Variants in FRMPD4 observed in about 807,000 individuals in gnomAD.
The protein encoded by FRMPD4 is FERM and PDZ domain-containing protein 4.
Under a neutral mutation model 94.1 loss-of-function variants are expected in FRMPD4, and 22 were observed. The observed-to-expected ratio is 0.23, with a 90% confidence interval of 0.17 to 0.33. The LOEUF is 0.33. Ranked by LOEUF, FRMPD4 falls within the 10% of genes least tolerant of loss-of-function variation. The pLI, the probability that FRMPD4 is intolerant of heterozygous loss-of-function variation, is 1.00. For missense variants in FRMPD4, 1,111 were observed against 1,339.9 expected, an observed-to-expected ratio of 0.83 and a Z score of 2.67; for synonymous variants, 631 against 548.6, an observed-to-expected ratio of 1.15 and a Z score of -2.10.
intron 3 of FRMPD4, among the ~76,000 whole-genome samples, chrX:12,096,729 T>A (rs767704181): frequency 9.0e-6 from 1 of 111,012 alleles, no homozygotes; most frequent in Non-Finnish European, 1.9e-5. Flanking sequence ...TCAAAAAATT[T>A]TTTAACAATT....
At chrX:11,879,234 T>A (rs769857788) in intron 3 of FRMPD4, among the ~76,000 whole-genome samples, 1 of 111,876 alleles carries the variant, frequency 8.9e-6, no homozygotes, top group African/African-American at 3.2e-5. Flanking sequence ...TGACTTTTCT[T>A]TTTAGCGCCT....
chrX:12,232,462 A>AT (rs1255113225), intron 1 of FRMPD4, among the ~76,000 whole-genome samples: 1 of 110,851 alleles, frequency 9.0e-6, no homozygotes. Flanking sequence ...CGAGAACAGC[A>AT]TGGGGGAAGC....
intron 3 of FRMPD4, among the ~76,000 whole-genome samples, chrX:11,935,152 C>T (rs1002796512): frequency 2.3e-5 from 1 of 43,882 alleles, no homozygotes; most frequent in Non-Finnish European, 5.0e-5. Context: ...ACATATTTAA[C>T]GTACACAAAT....
intron 3 of FRMPD4, among the ~76,000 whole-genome samples, chrX:12,058,518 G>T (rs1384801200): frequency 1.8e-5 from 2 of 110,854 alleles, no homozygotes; most frequent in Admixed American, 1.9e-4. Context: ...TCATTGCAAG[G>T]TAAGTAGGAA....
At chrX:12,092,007 A>G (rs1416620551) in intron 3 of FRMPD4, among the ~76,000 whole-genome samples, 3 of 111,724 alleles carry the variant, frequency 2.7e-5, no homozygotes, top group Non-Finnish European at 5.6e-5. Context: ...AGCACCCATT[A>G]TGGGCTGGGT....
intron 3 of FRMPD4, among the ~76,000 whole-genome samples, chrX:12,074,417 C>T (rs2054995808): frequency 2.7e-5 from 3 of 111,001 alleles, no homozygotes; most frequent in South Asian, 7.7e-4. Context: ...TTAAATCCTG[C>T]TCCTAGGTCC....
intron 1 of FRMPD4, among the ~76,000 whole-genome samples, chrX:12,327,341 A>G (rs749812025): frequency 1.9e-4 from 21 of 112,181 alleles, no homozygotes; most frequent in African/African-American, 6.8e-4. Context: ...TGTTTGGTAC[A>G]TGTAACATTT....
rs1006623267 is a variant in FRMPD4, at chrX:12,683,563, G to T, written c.549G>T (p.Glu183Asp). Residue 183 changes from glutamate (E) to aspartate (D), a missense_variant, in exon 6 of 17, where the codon GAG becomes GAT. Transcript: ENST00000675598. The part of the protein sequence containing the change: ...SNPVKVRFSE[E>D]VIINGQVSET... ...CTGTCAAAGTACGCTTCTCTGAGGA[G>T]GTCATCATCAACGGCCAAGTGTCGG... 1 of 1,166,435 alleles carries T rather than the reference G, an allele frequency of 8.6e-7. No individual in the cohort carries two copies. Among genetic ancestry groups the T allele is most frequent in the Admixed American group, 2.2e-5 (1 of 45,565 alleles).
intron 3 of FRMPD4, among the ~76,000 whole-genome samples, chrX:12,105,416 G>A (rs964512178): frequency 8.9e-6 from 1 of 112,202 alleles, no homozygotes; most frequent in African/African-American, 3.2e-5. Context: ...CATTATCTCA[G>A]ACACTTAGCA....
chrX:12,435,194 C>T (rs367762714), intron 1 of FRMPD4, among the ~76,000 whole-genome samples: 7 of 111,578 alleles, frequency 6.3e-5, no homozygotes, highest in East Asian at 2.8e-4. Flanking sequence ...TCTTCTATTA[C>T]GTACTCTAAC....
intron 4 of FRMPD4, among the ~76,000 whole-genome samples, chrX:12,657,307 C>A (rs1202102790): frequency 9.0e-6 from 1 of 111,292 alleles, no homozygotes; most frequent in Non-Finnish European, 1.9e-5. Context: ...TGTTTCTTTG[C>A]AGGATTCAGT....
At chrX:12,672,310 G>A (rs897039418) in intron 4 of FRMPD4, among the ~76,000 whole-genome samples, 6 of 111,829 alleles carry the variant, frequency 5.4e-5, no homozygotes, top group African/African-American at 1.3e-4. Flanking sequence ...AACCAAGGGC[G>A]GGCTATGCTC....
chrX:11,850,125 TAGACAATTCTCC>T (rs910326543), intron 1 of FRMPD4, among the ~76,000 whole-genome samples: 2 of 112,125 alleles, frequency 1.8e-5, no homozygotes. Context: ...GGGATTTGAA[TAGACAATTCTCC>T]AAAGAAGACA....
chrX:12,298,632 G>A (rs969452436), intron 1 of FRMPD4, among the ~76,000 whole-genome samples: 1 of 112,261 alleles, frequency 8.9e-6, no homozygotes, highest in Non-Finnish European at 1.9e-5. Context: ...TCGTTGCAGG[G>A]CTTTTGATAA....
intron 3 of FRMPD4, among the ~76,000 whole-genome samples, chrX:12,128,210 A>G (rs1228127487): frequency 8.8e-6 from 1 of 113,297 alleles, no homozygotes; most frequent in Non-Finnish European, 1.9e-5. Flanking sequence ...CCCATGCAGC[A>G]AACTTCTGCC....
chrX:12,031,374 C>T (rs916219154), intron 3 of FRMPD4, among the ~76,000 whole-genome samples: 1 of 112,165 alleles, frequency 8.9e-6, no homozygotes, highest in Non-Finnish European at 1.9e-5. Flanking sequence ...AAAGAATGTC[C>T]AGAACAAAAG....
chrX:12,576,594 A>G (rs1366056639), intron 2 of FRMPD4, among the ~76,000 whole-genome samples: 1 of 112,723 alleles, frequency 8.9e-6, no homozygotes, highest in Non-Finnish European at 1.9e-5. Context: ...AGCAAGGAAA[A>G]CAAATCTTTT....
intron 4 of FRMPD4, among the ~76,000 whole-genome samples, chrX:12,646,773 T>G (rs1301789466): frequency 1.8e-5 from 2 of 112,546 alleles, no homozygotes; most frequent in East Asian, 5.5e-4. Flanking sequence ...AAAATAGTAT[T>G]TCTCTGTTTA....
chrX:12,358,144 A>G (rs1711558766), intron 1 of FRMPD4, among the ~76,000 whole-genome samples: 2 of 112,103 alleles, frequency 1.8e-5, no homozygotes, highest in African/African-American at 6.5e-5. Flanking sequence ...CCAGTTTATG[A>G]GCGTGTGGGT....
Sources: allele counts gnomAD v4.1 joint callset (sites outside exome capture counted in the v4.1 genomes callset), GRCh38; gene constraint gnomAD v4.1.1; transcripts MANE v1.5; gene names NCBI Gene and HGNC (gene_info 2026-07-23, HGNC 2026-07-21).